Variants in OPCML observed in about 807,000 individuals in gnomAD.
OPCML encodes the protein opioid binding protein/cell adhesion molecule like.
OPCML carries 13 observed loss-of-function variants against 37.8 expected under a neutral mutation model. The ratio of observed to expected loss-of-function variants is 0.34; its 90% CI spans 0.22 to 0.55. The LOEUF (loss-of-function observed/expected upper bound fraction) is 0.55. Ranked by LOEUF, OPCML falls within the 20% of genes least tolerant of loss-of-function variation. The probability of loss-of-function intolerance (pLI) is 0.91; values close to 1 mark genes in which losing one functional copy is unlikely to be tolerated. For missense variants in OPCML, 341 were observed against 435.6 expected, an observed-to-expected ratio of 0.78 and a Z score of 1.93; for synonymous variants, 176 against 168.8, an observed-to-expected ratio of 1.04 and a Z score of -0.33.
rs111828915 is a variant in OPCML, at chr11:132,420,352, T to G, written c.917-59A>C. The G allele has an allele frequency of 1.9e-3, 3,089 of 1,595,068 alleles. 38 individuals are homozygous for G. The African/African-American group carries it at 0.036, about 18-fold the overall frequency. Reference sequence around the variant, plus strand: ...ATACACCCAAGGACACCATAGTTCTTCCCTGACAAGCAAATACACATACAT... The same window carrying G: ...ATACACCCAAGGACACCATAGTTCTGCCCTGACAAGCAAATACACATACAT... On this transcript the variant is annotated intron_variant, in intron 7 of 7. Transcript: ENST00000524381.
At chr11:133,333,073 T>C (rs748321122) in intron 1 of OPCML, among the ~76,000 whole-genome samples, 1 of 149,588 alleles carries the variant, frequency 6.7e-6, no homozygotes, top group Non-Finnish European at 1.5e-5. Context: ...AGTAGTAGTA[T>C]CTTGAGACAG....
intron 1 of OPCML, among the ~76,000 whole-genome samples, chr11:133,243,253 G>A (rs4287343): frequency 0.12 from 18,777 of 152,178 alleles, 2,174 homozygotes; most frequent in East Asian, 0.55. Context: ...TCAAAAAATA[G>A]GCCAAATGAA....
chr11:133,111,530 T>G (rs1351510732), intron 1 of OPCML, among the ~76,000 whole-genome samples: 1 of 152,190 alleles, frequency 6.6e-6, no homozygotes, highest in Non-Finnish European at 1.5e-5. Context: ...TTCTATTGGT[T>G]TCAACAGCTC....
At chr11:133,237,242 G>C (rs547304720) in intron 1 of OPCML, among the ~76,000 whole-genome samples, 1 of 152,372 alleles carries the variant, frequency 6.6e-6, no homozygotes, top group Admixed American at 6.5e-5. Context: ...TTGTGCTTCA[G>C]ATGAAAGCAC....
intron 1 of OPCML, among the ~76,000 whole-genome samples, chr11:133,451,992 T>C (rs1166980230): frequency 6.6e-6 from 1 of 151,528 alleles, no homozygotes; most frequent in African/African-American, 2.4e-5. Flanking sequence ...ACTTTGATTA[T>C]TGCCACATTA....
At chr11:133,340,735 GTA>G (rs897120743) in intron 1 of OPCML, among the ~76,000 whole-genome samples, 3 of 151,686 alleles carry the variant, frequency 2.0e-5, no homozygotes, top group African/African-American at 7.3e-5. Flanking sequence ...TTAAGAATGT[GTA>G]TGTGTGTGTG....
intron 1 of OPCML, chr11:133,008,827 T>C: frequency 1.1e-6 from 1 of 929,074 alleles, no homozygotes; most frequent in Non-Finnish European, 1.3e-6. Context: ...CTAATGCACT[T>C]TCTGAACAAA....
At chr11:133,505,608 T>G (rs1327773000) in intron 1 of OPCML, among the ~76,000 whole-genome samples, 2 of 152,174 alleles carry the variant, frequency 1.3e-5, no homozygotes, top group African/African-American at 4.8e-5. Context: ...GCCTCACATT[T>G]TCCATCTACT....
At chr11:132,836,500 T>A (rs998123382) in intron 2 of OPCML, among the ~76,000 whole-genome samples, 6 of 152,166 alleles carry the variant, frequency 3.9e-5, no homozygotes, top group Admixed American at 3.9e-4. Context: ...AATTAAAATA[T>A]TACAACTTTT....
At chr11:132,470,945 G>A (rs1171948556) in intron 4 of OPCML, among the ~76,000 whole-genome samples, 30 of 152,130 alleles carry the variant, frequency 2.0e-4, no homozygotes. Flanking sequence ...CCAACACTTA[G>A]GAATTAAGAA....
chr11:132,713,158 T>C (rs537099068), intron 2 of OPCML, among the ~76,000 whole-genome samples: 3 of 151,828 alleles, frequency 2.0e-5, no homozygotes, highest in African/African-American at 7.2e-5. Flanking sequence ...AAATGTAATG[T>C]CATCCAGAAC....
chr11:132,482,505 G>A (rs1245400153), intron 4 of OPCML, among the ~76,000 whole-genome samples: 1 of 152,138 alleles, frequency 6.6e-6, no homozygotes, highest in Non-Finnish European at 1.5e-5. Flanking sequence ...GGAGGAACTG[G>A]TACCATTCCT....
At chr11:132,989,713 G>A (rs1169426892) in intron 1 of OPCML, among the ~76,000 whole-genome samples, 1 of 151,610 alleles carries the variant, frequency 6.6e-6, no homozygotes, top group Non-Finnish European at 1.5e-5. Context: ...AATAAAAAGG[G>A]GCTCAAACAT....
intron 1 of OPCML, among the ~76,000 whole-genome samples, chr11:133,172,559 A>G (rs1456921588): frequency 6.6e-6 from 1 of 152,168 alleles, no homozygotes; most frequent in Non-Finnish European, 1.5e-5. Flanking sequence ...TGGAGCCTAG[A>G]GGCATGGGAC....
chr11:132,428,762 GCT>G (rs2095986370), intron 7 of OPCML, among the ~76,000 whole-genome samples: 1 of 152,172 alleles, frequency 6.6e-6, no homozygotes, highest in South Asian at 2.1e-4. Context: ...TGTTCTTTGA[GCT>G]CTAGGCTCTT....
In OPCML at chr11:132,459,387, T is replaced by TTC. The variant is rs146884367; in HGVS notation, c.506-22030_506-22029dup. Among the ~76,000 whole-genome samples, 178 of 143,122 alleles carry TTC rather than the reference T, an allele frequency of 1.2e-3. 2 individuals carry two copies. The highest frequency in any genetic ancestry group is 3.6e-3 in the Admixed American group (49 of 13,620). 93.9% of individuals were successfully genotyped at this position (143,122 alleles called of 152,430 possible). A position where few individuals can be genotyped will look rare whatever the true frequency, so the allele number is the denominator to read the frequency against. ...GTAATCATCACATGAGCCAATTCCT[T>TTC]TCTCTCTCTCTCTCTCTCTTCACAC... On this transcript the variant is annotated intron_variant, in intron 4 of 7. Coordinates refer to ENST00000524381, the MANE Select transcript of OPCML (RefSeq NM_001012393.5).
At chr11:133,345,757 G>C (rs1026764614) in intron 1 of OPCML, among the ~76,000 whole-genome samples, 2 of 152,154 alleles carry the variant, frequency 1.3e-5, no homozygotes, top group Non-Finnish European at 2.9e-5. Flanking sequence ...GGTTCTTCTA[G>C]TGGTATCTTC....
Position 132,532,669 on chromosome 11 carries a change from C to T in OPCML, c.380-3483G>A, listed in dbSNP as rs549556961. On this transcript the variant is annotated intron_variant, in intron 3 of 7. Transcript: ENST00000524381. ...CCAGAAGCGTTCATGCATTTGTGTG[C>T]TCTGCTTCAAATGCCTTCCCAGAGC... 3.3e-5 allele frequency among the ~76,000 whole-genome samples: 5 copies of T among 152,174 alleles called. No individual in the cohort carries two copies. The South Asian group carries it at 6.2e-4, about 19-fold the overall frequency.
At chr11:133,320,748 C>A (rs1200052582) in intron 1 of OPCML, among the ~76,000 whole-genome samples, 1 of 152,182 alleles carries the variant, frequency 6.6e-6, no homozygotes, top group African/African-American at 2.4e-5. Context: ...GTATGGGTCA[C>A]CCCACAATTT....
Sources: gnomAD v4.1 joint callset for allele counts (sites outside exome capture counted in the v4.1 genomes callset) on GRCh38, gnomAD v4.1.1 for gene constraint, MANE v1.5 for transcripts, NCBI Gene and HGNC (gene_info 2026-07-23, HGNC 2026-07-21) for gene names.